The following SCAPER variants were observed in gnomAD, a reference collection of about 807,000 sequenced individuals.
SCAPER encodes the protein S phase cyclin A-associated protein in the endoplasmic reticulum.
Under a neutral mutation model 182.2 loss-of-function variants are expected in SCAPER, and 98 were observed. The ratio of observed to expected loss-of-function variants is 0.54; its 90% CI spans 0.46 to 0.64. The LOEUF is 0.64. Ranked by LOEUF, SCAPER falls within the 30% of genes least tolerant of loss-of-function variation. The probability of loss-of-function intolerance (pLI) is 0.00; values close to 1 mark genes in which losing one functional copy is unlikely to be tolerated. For missense variants in SCAPER, 1,432 were observed against 1,690.0 expected (o/e 0.85, Z 2.68); for synonymous variants, 605 against 564.6 (o/e 1.07, Z -1.01).
At chr15:76,754,594 G>T (rs535458883) in intron 14 of SCAPER, among the ~76,000 whole-genome samples, 1 of 152,080 alleles carries the variant, frequency 6.6e-6, no homozygotes, top group Non-Finnish European at 1.5e-5. Flanking sequence ...AACAGAAGAA[G>T]CAAAAGCTTG....
chr15:76,456,895 A>G (rs2048778449), intron 25 of SCAPER, among the ~76,000 whole-genome samples: 1 of 152,166 alleles, frequency 6.6e-6, no homozygotes, highest in Non-Finnish European at 1.5e-5. Flanking sequence ...CTCTGATATT[A>G]ATATAGCTAC....
At chr15:76,685,569 T>C (rs144535819) in intron 20 of SCAPER, among the ~76,000 whole-genome samples, 20 of 152,190 alleles carry the variant, frequency 1.3e-4, no homozygotes, top group Middle Eastern at 3.4e-3. Context: ...CGAATATTCT[T>C]AAAGGCCTAA....
chr15:76,395,417 T>C (rs1349219028), intron 27 of SCAPER, among the ~76,000 whole-genome samples: 4 of 152,212 alleles, frequency 2.6e-5, no homozygotes, highest in African/African-American at 4.8e-5. Flanking sequence ...TTTGTAGGAA[T>C]TTCCAAACTG....
At chr15:76,859,211 CT>C in intron 3 of SCAPER, among the ~76,000 whole-genome samples, 1 of 152,162 alleles carries the variant, frequency 6.6e-6, no homozygotes, top group East Asian at 1.9e-4. Context: ...GCCAGGTCCC[CT>C]GAAGCAATAT....
chr15:76,515,731 AAACTAGATTGCGAGGTCTCTAACAGC>A, intron 23 of SCAPER, among the ~76,000 whole-genome samples: 1 of 152,352 alleles, frequency 6.6e-6, no homozygotes, highest in Middle Eastern at 3.4e-3. Flanking sequence ...ACTTCATCAC[AAACTAGATTGCGAGGTCTCTAACAGC>A]TGGAATTATG....
intron 6 of SCAPER, among the ~76,000 whole-genome samples, chr15:76,801,856 C>G (rs1031306468): frequency 4.0e-5 from 6 of 151,490 alleles, no homozygotes; most frequent in African/African-American, 1.5e-4. Context: ...TTGCAGCGAG[C>G]CAAGATGGCA....
intron 16 of SCAPER, among the ~76,000 whole-genome samples, chr15:76,731,710 G>A (rs1484420448): frequency 6.6e-6 from 1 of 152,192 alleles, no homozygotes; most frequent in African/African-American, 2.4e-5. Flanking sequence ...AGCATATGTA[G>A]ACAGGTTTAA....
intron 23 of SCAPER, among the ~76,000 whole-genome samples, chr15:76,561,480 A>G (rs2046617154): frequency 6.6e-6 from 1 of 152,168 alleles, no homozygotes; most frequent in Non-Finnish European, 1.5e-5. Context: ...TTAGGATTAT[A>G]AAAATTTTTT....
intron 23 of SCAPER, among the ~76,000 whole-genome samples, chr15:76,545,137 A>C (rs1472077338): frequency 1.3e-5 from 2 of 152,182 alleles, no homozygotes; most frequent in Admixed American, 1.3e-4. Flanking sequence ...AATTAACATT[A>C]TGAATTCACG....
intron 23 of SCAPER, among the ~76,000 whole-genome samples, chr15:76,552,600 G>C (rs1004753249): frequency 1.3e-5 from 2 of 152,156 alleles, no homozygotes; most frequent in African/African-American, 4.8e-5. Context: ...AGCTGCAGGA[G>C]AACTCATGAC....
At chr15:76,375,056 G>A (rs2042451108) in intron 29 of SCAPER, among the ~76,000 whole-genome samples, 2 of 150,970 alleles carry the variant, frequency 1.3e-5, no homozygotes, top group Non-Finnish European at 3.0e-5. Context: ...GCAAAGCCCC[G>A]TCTCTGCAAA....
chr15:76,356,463 C>G (rs935359231), intron 29 of SCAPER, among the ~76,000 whole-genome samples: 1 of 152,146 alleles, frequency 6.6e-6, no homozygotes, highest in Non-Finnish European at 1.5e-5. Flanking sequence ...GGTAAAATGT[C>G]ACTTGGACTG....
chr15:76,391,362 T>G (rs1443430855), intron 27 of SCAPER, among the ~76,000 whole-genome samples: 1 of 152,232 alleles, frequency 6.6e-6, no homozygotes, highest in Non-Finnish European at 1.5e-5. Flanking sequence ...TATTGGTTGA[T>G]TGTTTTTTCC....
At chr15:76,621,071 T>C (rs1441354187) in intron 22 of SCAPER, among the ~76,000 whole-genome samples, 2 of 152,198 alleles carry the variant, frequency 1.3e-5, no homozygotes, top group Non-Finnish European at 2.9e-5. Flanking sequence ...TTTTGCGCTA[T>C]TCCACTGAGC....
intron 29 of SCAPER, among the ~76,000 whole-genome samples, chr15:76,363,769 A>T (rs1470904059): frequency 6.6e-6 from 1 of 152,246 alleles, no homozygotes; most frequent in East Asian, 1.9e-4. Flanking sequence ...ATATTTTTCT[A>T]GCAGAGCAGA....
chr15:76,618,539 T>A (rs1005409679), intron 22 of SCAPER, among the ~76,000 whole-genome samples: 2 of 152,238 alleles, frequency 1.3e-5, no homozygotes, highest in Admixed American at 1.3e-4. Flanking sequence ...TCCAAGAGTA[T>A]GATTTGTCTT....
chr15:76,791,431 C>T (rs950782102), intron 8 of SCAPER, among the ~76,000 whole-genome samples: 5 of 152,142 alleles, frequency 3.3e-5, no homozygotes, highest in African/African-American at 7.2e-5. Flanking sequence ...TGTGGATTCA[C>T]TACAGCATTT....
intron 23 of SCAPER, among the ~76,000 whole-genome samples, chr15:76,546,579 G>T (rs1328487922): frequency 6.6e-6 from 1 of 152,020 alleles, no homozygotes; most frequent in Non-Finnish European, 1.5e-5. Context: ...TTTCACAGGG[G>T]TAAGGACTAT....
At chr15:76,609,818 T>C (rs1325710551) in intron 22 of SCAPER, among the ~76,000 whole-genome samples, 2 of 152,202 alleles carry the variant, frequency 1.3e-5, no homozygotes, top group Admixed American at 6.5e-5. Flanking sequence ...AATTCTATGA[T>C]TAGGTCTCAC....
Sources: allele counts gnomAD v4.1 joint callset (sites outside exome capture counted in the v4.1 genomes callset), GRCh38; gene constraint gnomAD v4.1.1; transcripts MANE v1.5; gene names NCBI Gene and HGNC (gene_info 2026-07-23, HGNC 2026-07-21).